Variants in RNF32 observed in about 807,000 individuals in gnomAD.
The protein encoded by RNF32 is ring finger protein 32.
RNF32 carries 36 observed loss-of-function variants against 41.0 expected under a neutral mutation model. That is an observed-to-expected ratio of 0.88 (90% CI 0.67 to 1.16). The LOEUF (loss-of-function observed/expected upper bound fraction) is 1.16. Ranked by LOEUF, RNF32 falls within the 50% of genes most tolerant of loss-of-function variation. The pLI is 0.00. For missense variants in RNF32, 413 were observed against 436.7 expected (o/e 0.95, Z 0.48); for synonymous variants, 154 against 160.9 (o/e 0.96, Z 0.32).
intron 7 of RNF32, among the ~76,000 whole-genome samples, chr7:156,667,337 A>C (rs1801488070): frequency 2.0e-5 from 3 of 152,190 alleles, no homozygotes. Context: ...TTTTGTTAGT[A>C]TATTTTTTTT....
intron 7 of RNF32, among the ~76,000 whole-genome samples, chr7:156,667,620 C>G (rs905587577): frequency 4.6e-5 from 7 of 152,028 alleles, no homozygotes; most frequent in Admixed American, 1.3e-4. Flanking sequence ...GTCATCTAAC[C>G]CACATAAAAA....
intron 7 of RNF32, chr7:156,659,867 G>C: frequency 1.0e-6 from 1 of 979,400 alleles, no homozygotes; most frequent in Non-Finnish European, 1.2e-6. Context: ...ATGGAAAAAG[G>C]AAACGAAAAA....
intron 4 of RNF32, 125 bp downstream of exon 4, chr7:156,654,843 C>CAGG: frequency 6.1e-6 from 5 of 824,702 alleles, no homozygotes; most frequent in Non-Finnish European, 9.6e-6. Flanking sequence ...GAGCCTCACA[C>CAGG]ACTTCCATTT....
chr7:156,658,476 G>A lies in RNF32; in HGVS notation c.590G>A (p.Trp197Ter), dbSNP rs1212612723. 4 of 1,612,448 alleles carry A rather than the reference G, an allele frequency of 2.5e-6. No homozygotes were observed. In the Admixed American group the frequency reaches 6.7e-5, roughly 27 times the overall value. The part of the protein sequence containing the change: ...IKCVTRIQAY[W>*]RGCVVRKWYR... ...CTGTGTTTTAGAATCCAAGCCTACT[G>A]GAGAGGATGTGTTGTTAGAAAGTGG... is the stretch of plus-strand genomic sequence containing the variant. The change falls in exon 7 of 9, where the codon TGG becomes TAG. Residue 197 changes from tryptophan (W) to a stop codon, truncating the protein, a stop_gained. Transcript: ENST00000317955. LOFTEE classifies it high-confidence loss of function.
Position 156,676,851 on chromosome 7 carries a change from G to C in RNF32, c.*196G>C. The C allele has an allele frequency of 1.8e-6, 1 of 563,374 alleles. No homozygotes were observed. Among genetic ancestry groups the C allele is most frequent in the Admixed American group, 3.1e-5 (1 of 32,442 alleles). 34.9% of individuals were successfully genotyped at this position (563,374 alleles called of 1,614,324 possible). On this transcript the variant is annotated 3_prime_UTR_variant, in exon 9 of 9. Transcript: ENST00000317955. ...AATTTTAATCTTTGGTCTCTAAAAA[G>C]TAAATTTCAAATTTATGAGTTTAAT...
chr7:156,658,762 C>G, intron 7 of RNF32, 192 bp downstream of exon 7: 1 of 883,036 alleles, frequency 1.1e-6, no homozygotes, highest in Non-Finnish European at 1.8e-6. Flanking sequence ...TCAAATACTT[C>G]TAGACTTTCT....
Position 156,670,126 on chromosome 7 carries a change from C to T in RNF32, c.685-5570C>T, listed in dbSNP as rs1236206985. Among the ~76,000 whole-genome samples the T allele has an allele frequency of 2.6e-5, 4 of 152,130 alleles. No individual in the cohort carries two copies. The highest frequency in any genetic ancestry group is 6.5e-5 in the Admixed American group (1 of 15,284). ...ACAGTGCATCTTTACACCAGAATGTCAGTTTTAAGTGCAAATATTAGAGCA... is the reference window on the plus strand; with the variant it reads ...ACAGTGCATCTTTACACCAGAATGTTAGTTTTAAGTGCAAATATTAGAGCA... On this transcript the variant is annotated intron_variant, in intron 7 of 8. Coordinates refer to ENST00000317955, the MANE Select transcript of RNF32 (RefSeq NM_030936.4). The surrounding 1 kb of genome is among the most constrained non-coding windows in gnomAD (Gnocchi z 4.3).
rs911826869 is a variant in RNF32, at chr7:156,676,415, G to A, written c.853-4G>A. 1.7e-5 allele frequency: 28 copies of A among 1,613,896 alleles called. No individual in the cohort carries two copies. The highest frequency in any genetic ancestry group is 8.8e-5 in the South Asian group (8 of 91,080). ...GTGGCCTCTTCCCGTCCTGTGTGCC[G>A]CAGGCTCTGCGCCGGGAGACCCACG... On this transcript the variant is annotated splice_polypyrimidine_tract_variant and splice_region_variant and intron_variant, in intron 8 of 8. Coordinates refer to ENST00000317955, the MANE Select transcript of RNF32 (RefSeq NM_030936.4).
At chr7:156,640,592 T>G, upstream of RNF32, 2 of 408,366 alleles carry the variant, frequency 4.9e-6, no homozygotes, top group South Asian at 3.4e-5. Context: ...ATGCGCAGTG[T>G]GGTGTGGACA....
intron 1 of RNF32, among the ~76,000 whole-genome samples, chr7:156,641,456 C>A (rs1447026417): frequency 6.6e-6 from 1 of 152,186 alleles, no homozygotes; most frequent in Non-Finnish European, 1.5e-5. Context: ...ACGTTTCTAA[C>A]CCTACCAGTG....
chr7:156,676,901 A>C lies in RNF32; in HGVS notation c.*246A>C. 2.2e-6 allele frequency: 1 copy of C among 453,368 alleles called. No homozygotes were observed. Among genetic ancestry groups the C allele is most frequent in the East Asian group, 4.0e-5 (1 of 25,254 alleles). 28.1% of individuals were successfully genotyped at this position (453,368 alleles called of 1,614,324 possible). A position where few individuals can be genotyped will look rare whatever the true frequency, so the allele number is the denominator to read the frequency against. On this transcript the variant is annotated 3_prime_UTR_variant, in exon 9 of 9. Coordinates refer to ENST00000317955, the MANE Select transcript of RNF32 (RefSeq NM_030936.4). ...TCACTTCAAATATGAATAGCAAAAAATGAGAGCTTGCTTACTTCTAAAAAT... is the reference window on the plus strand; with the variant it reads ...TCACTTCAAATATGAATAGCAAAAACTGAGAGCTTGCTTACTTCTAAAAAT...
At chr7:156,667,998 A>T (rs891353469) in intron 7 of RNF32, among the ~76,000 whole-genome samples, 1 of 152,222 alleles carries the variant, frequency 6.6e-6, no homozygotes, top group Non-Finnish European at 1.5e-5. Context: ...TCCCCCAAAA[A>T]GGATTTCTAC....
At chr7:156,654,532 G>A in intron 3 of RNF32, 44 bp from the exon 4 acceptor site, 1 of 1,576,932 alleles carries the variant, frequency 6.3e-7, no homozygotes, top group Non-Finnish European at 8.7e-7. Context: ...GGTGCCATAT[G>A]CTAAAAGACA....
intron 4 of RNF32, among the ~76,000 whole-genome samples, chr7:156,657,228 T>C (rs1219261177): frequency 6.6e-6 from 1 of 152,224 alleles, no homozygotes; most frequent in Non-Finnish European, 1.5e-5. Flanking sequence ...CCCTCCAGTT[T>C]GCAGTCACTG....
At chr7:156,657,280 C>T (rs1799836742) in intron 4 of RNF32, among the ~76,000 whole-genome samples, 1 of 152,236 alleles carries the variant, frequency 6.6e-6, no homozygotes, top group South Asian at 2.1e-4. Flanking sequence ...TTGTTTCGCT[C>T]TTAAGTATAC....
chr7:156,647,430 T>C (rs995261533), intron 3 of RNF32, among the ~76,000 whole-genome samples: 4 of 152,152 alleles, frequency 2.6e-5, no homozygotes, highest in Admixed American at 1.3e-4. Flanking sequence ...CTTCCACTTA[T>C]AAGTGAGAAC....
At chr7:156,666,866 T>G (rs75166179) in intron 7 of RNF32, among the ~76,000 whole-genome samples, 1,689 of 152,306 alleles carry the variant, frequency 0.011, 39 homozygotes, top group African/African-American at 0.038. Context: ...GGTCTTTTAT[T>G]GCTGCAATTA....
intron 2 of RNF32, 138 bp from the exon 3 acceptor site, chr7:156,644,361 G>A: frequency 2.9e-6 from 2 of 685,338 alleles, no homozygotes; most frequent in South Asian, 1.7e-5. Flanking sequence ...TCCTACTTAG[G>A]TAACAATGAG....
chr7:156,651,219 T>C (rs1308082293), intron 3 of RNF32, among the ~76,000 whole-genome samples: 1 of 150,676 alleles, frequency 6.6e-6, no homozygotes, highest in Non-Finnish European at 1.5e-5. Flanking sequence ...ATATTTCTTT[T>C]TTTTTTTTTT....
Sources: allele counts gnomAD v4.1 joint callset (sites outside exome capture counted in the v4.1 genomes callset), GRCh38; gene constraint gnomAD v4.1.1; non-coding constraint Gnocchi (gnomAD v3.1); transcripts MANE v1.5; gene names NCBI Gene and HGNC (gene_info 2026-07-23, HGNC 2026-07-21).